SMCO2: variants seen among roughly 807,000 people sequenced by gnomAD.
The protein encoded by SMCO2 is single-pass membrane protein with coiled-coil domains 2, also known as single-pass membrane and coiled-coil domain-containing protein 2.
Under a neutral mutation model 29.5 loss-of-function variants are expected in SMCO2, and 25 were observed. The ratio of observed to expected loss-of-function variants is 0.85; its 90% CI spans 0.62 to 1.18. The LOEUF is 1.18. SMCO2 is among the 50% of genes most tolerant of loss of function. The pLI is 0.00. For missense variants in SMCO2, 348 were observed against 344.5 expected (o/e 1.01, Z -0.08); for synonymous variants, 117 against 123.3 (o/e 0.95, Z 0.34).
chr12:27,439,866 C>A, the SMCO2 span, among the ~76,000 whole-genome samples: 1 of 151,852 alleles, frequency 6.6e-6, no homozygotes, highest in African/African-American at 2.4e-5. Flanking sequence ...TTCAAAAGAC[C>A]AAATCTAAGA....
At chr12:27,472,648 A>G in intron 2 of SMCO2, 128 bp from the exon 3 acceptor site, 3 of 596,608 alleles carry the variant, frequency 5.0e-6, no homozygotes, top group Non-Finnish European at 8.7e-6. Flanking sequence ...AACTCAGTAC[A>G]AGGATAGCAG....
At chr12:27,487,721 C>A (rs1285182815) in intron 4 of SMCO2, among the ~76,000 whole-genome samples, 1 of 150,836 alleles carries the variant, frequency 6.6e-6, no homozygotes, top group East Asian at 1.9e-4. Context: ...TCCTCACTAG[C>A]ATTTGGTGTT....
intron 3 of SMCO2, among the ~76,000 whole-genome samples, chr12:27,473,398 C>T (rs2135547895): frequency 1.3e-5 from 2 of 152,210 alleles, no homozygotes; most frequent in Middle Eastern, 6.8e-3. Flanking sequence ...TCTTCTCCTC[C>T]TCTGTCTCTC....
At chr12:27,501,305 A>G (rs1156992239) in intron 7 of SMCO2, among the ~76,000 whole-genome samples, 1 of 146,438 alleles carries the variant, frequency 6.8e-6, no homozygotes, top group African/African-American at 2.6e-5. Context: ...AATCCCAGCT[A>G]CTCGGGAGGC....
intron 4 of SMCO2, among the ~76,000 whole-genome samples, chr12:27,477,875 C>T (rs902445941): frequency 1.3e-5 from 2 of 151,996 alleles, no homozygotes; most frequent in Admixed American, 6.6e-5. Flanking sequence ...AGTTTCAATA[C>T]TTTGAATTCT....
chr12:27,426,811 A>G, the SMCO2 span, among the ~76,000 whole-genome samples: 13 of 152,238 alleles, frequency 8.5e-5, no homozygotes, highest in African/African-American at 3.1e-4. Context: ...AGAGAACCCA[A>G]CTGAGGTAGG....
chr12:27,496,001 G>A (rs1482251004), intron 7 of SMCO2, 146 bp downstream of exon 8: 3 of 808,028 alleles, frequency 3.7e-6, no homozygotes, highest in South Asian at 9.5e-5. Flanking sequence ...AAAGTCATTG[G>A]AGTTCATTGG....
chr12:27,447,728 CAA>C, the SMCO2 span, among the ~76,000 whole-genome samples: 266 of 113,404 alleles, frequency 2.3e-3, no homozygotes, highest in Non-Finnish European at 2.0e-3. Context: ...GACTCTGTCT[CAA>C]AAAAAAAAAA....
At chr12:27,435,547 C>T in the SMCO2 span, among the ~76,000 whole-genome samples, 1 of 150,610 alleles carries the variant, frequency 6.6e-6, no homozygotes, top group Non-Finnish European at 1.5e-5. Flanking sequence ...CTCTCTCTCC[C>T]CCCCATCCCC....
chr12:27,502,086 T>C (rs1329402994), exon 8 of SMCO2: 7 of 1,543,452 alleles, frequency 4.5e-6, no homozygotes. Flanking sequence ...AGAGCCTTTC[T>C]TGAATTTGGA....
chr12:27,449,264 C>T, the SMCO2 span, among the ~76,000 whole-genome samples: 4 of 152,284 alleles, frequency 2.6e-5, no homozygotes, highest in Admixed American at 2.0e-4. Flanking sequence ...CACACCCAAA[C>T]GAAATACTTG....
the SMCO2 span, among the ~76,000 whole-genome samples, chr12:27,458,105 T>C: frequency 1.3e-5 from 2 of 152,238 alleles, no homozygotes; most frequent in South Asian, 2.1e-4. Context: ...TAAATTAATA[T>C]GCAGTTATTT....
chr12:27,425,253 T>A, the SMCO2 span: 1 of 149,902 alleles, frequency 6.7e-6, no homozygotes, highest in East Asian at 1.9e-4. Flanking sequence ...CATTTGTAGT[T>A]TTTTTTTTTA....
chr12:27,502,030 T>G, exon 8 of SMCO2: 1 of 1,548,372 alleles, frequency 6.5e-7, no homozygotes, highest in Middle Eastern at 1.7e-4. Context: ...AGGGTGCTTC[T>G]GAGAATGCTT....
the SMCO2 span, among the ~76,000 whole-genome samples, chr12:27,426,483 A>T: frequency 2.0e-5 from 3 of 152,204 alleles, no homozygotes; most frequent in Admixed American, 2.0e-4. Flanking sequence ...CAGTTTCTTC[A>T]TTCGTAAAGT....
chr12:27,446,371 A>G, the SMCO2 span: 3 of 152,236 alleles, frequency 2.0e-5, no homozygotes, highest in African/African-American at 7.2e-5. Context: ...CCCCACCCTC[A>G]TAACCTCATC....
chr12:27,464,845 C>A (rs1160106037), upstream of SMCO2, among the ~76,000 whole-genome samples: 2 of 149,112 alleles, frequency 1.3e-5, no homozygotes, highest in East Asian at 4.0e-4. Flanking sequence ...CACGGTGAAA[C>A]CCCATCTCTA....
the SMCO2 span, chr12:27,425,252 T>C: frequency 6.8e-6 from 1 of 146,428 alleles, no homozygotes; most frequent in Non-Finnish European, 1.5e-5. Context: ...TCATTTGTAG[T>C]TTTTTTTTTT....
chr12:27,459,186 C>CAA, the SMCO2 span, among the ~76,000 whole-genome samples: 14 of 94,674 alleles, frequency 1.5e-4, no homozygotes, highest in South Asian at 1.1e-3. Context: ...GACTCCATCT[C>CAA]AAAAAAAAAA....
Sources: gnomAD v4.1 joint callset for allele counts (sites outside exome capture counted in the v4.1 genomes callset) on GRCh38, gnomAD v4.1.1 for gene constraint, MANE v1.5 for transcripts, NCBI Gene and HGNC (gene_info 2026-07-23, HGNC 2026-07-21) for gene names.